The following BCO2 variants were observed in gnomAD, a reference collection of about 807,000 sequenced individuals.
BCO2 encodes the protein beta-carotene oxygenase 2.
In BCO2, 56 loss-of-function variants were observed where a neutral mutation model predicts 65.8. The observed-to-expected ratio is 0.85, with a 90% CI of 0.69 to 1.06. The LOEUF (loss-of-function observed/expected upper bound fraction) is 1.06. Ranked by LOEUF, BCO2 falls within the 50% of genes least tolerant of loss-of-function variation. The pLI is 0.00. For missense variants in BCO2, 675 were observed against 698.5 expected (o/e 0.97, Z 0.38); for synonymous variants, 233 against 242.3 (o/e 0.96, Z 0.36).
At chr11:112,200,811 G>A (rs1461940508) in intron 7 of BCO2, 38 bp downstream of exon 7, 1 of 1,590,052 alleles carries the variant, frequency 6.3e-7, no homozygotes, top group East Asian at 2.3e-5. Flanking sequence ...GAAAATTGTT[G>A]GAAACAAAGG....
At chr11:112,199,649 T>C in intron 5 of BCO2, 50 bp from the exon 6 acceptor site, 2 of 1,565,608 alleles carry the variant, frequency 1.3e-6, no homozygotes, top group Non-Finnish European at 1.7e-6. Flanking sequence ...GGTTGTCTTT[T>C]AATCTAGAAT....
chr11:112,194,169 T>G (rs1458131027), intron 4 of BCO2, 175 bp downstream of exon 4: 1 of 560,136 alleles, frequency 1.8e-6, no homozygotes, highest in Non-Finnish European at 3.2e-6. Flanking sequence ...CTGGGTTGGT[T>G]TTCCTTAAAT....
At position 112,216,202 on chromosome 11, in the gene BCO2, T is replaced by C. The variant is rs1348367004; in HGVS notation, c.1516-18T>C. 4 of 1,577,882 alleles carry C rather than the reference T, an allele frequency of 2.5e-6. No homozygotes were observed. Among genetic ancestry groups the C allele is most frequent in the Non-Finnish European group, 3.5e-6 (4 of 1,147,684 alleles). On this transcript the variant is annotated intron_variant, in intron 10 of 11. Transcript: ENST00000357685. ...TTACTACTTGCCTTTTATCAAATGC[T>C]TTTTTTGGGACTTGCAGGTTTGGAG... is the stretch of plus-strand genomic sequence containing the variant.
chr11:112,190,700 C>T (rs970675242), intron 2 of BCO2, among the ~76,000 whole-genome samples: 10 of 151,484 alleles, frequency 6.6e-5, no homozygotes, highest in Non-Finnish European at 1.5e-4. Context: ...ACTAAAAATA[C>T]AAAAAATTAG....
intron 1 of BCO2, chr11:112,176,526 G>GGGA (rs1866890657): frequency 8.2e-6 from 1 of 122,480 alleles, no homozygotes; most frequent in Admixed American, 8.4e-5. Flanking sequence ...GCGGGGGGGG[G>GGGA]GGAATTAAAC....
At chr11:112,187,738 C>G (rs549310343) in intron 2 of BCO2, among the ~76,000 whole-genome samples, 42 of 152,160 alleles carry the variant, frequency 2.8e-4, no homozygotes, top group Non-Finnish European at 5.4e-4. Context: ...CCTCCCATTT[C>G]CTCATCTGCC....
intron 2 of BCO2, among the ~76,000 whole-genome samples, chr11:112,180,404 A>G (rs1408971779): frequency 6.6e-6 from 1 of 152,108 alleles, no homozygotes; most frequent in Admixed American, 6.5e-5. Flanking sequence ...TTTATTTGTT[A>G]TTTGAGTGTT....
At chr11:112,190,781 G>A (rs546960599) in intron 2 of BCO2, among the ~76,000 whole-genome samples, 7 of 150,710 alleles carry the variant, frequency 4.6e-5, no homozygotes, top group East Asian at 3.9e-4. Context: ...GCTTGAACCC[G>A]GGAGGCAGAG....
At chr11:112,188,994 C>G (rs1175210679) in intron 2 of BCO2, among the ~76,000 whole-genome samples, 1 of 151,938 alleles carries the variant, frequency 6.6e-6, no homozygotes, top group Admixed American at 6.6e-5. Context: ...TTGAAAAATA[C>G]TACCAAAGTA....
At chr11:112,181,827 G>C in intron 2 of BCO2, 1 of 941,566 alleles carries the variant, frequency 1.1e-6, no homozygotes. Flanking sequence ...CTGTAATCTT[G>C]CACATGCAAA....
At chr11:112,207,395 T>C (rs970953203) in intron 8 of BCO2, among the ~76,000 whole-genome samples, 1 of 152,234 alleles carries the variant, frequency 6.6e-6, no homozygotes, top group African/African-American at 2.4e-5. Flanking sequence ...TTATGACTTA[T>C]ACGTTGTACA....
intron 3 of BCO2, 70 bp downstream of exon 3, chr11:112,193,767 A>G (rs1430089384): frequency 6.4e-7 from 1 of 1,558,062 alleles, no homozygotes; most frequent in Admixed American, 1.8e-5. Context: ...TTGAAAATAG[A>G]TTTTTTTGTG....
intron 2 of BCO2, among the ~76,000 whole-genome samples, chr11:112,184,233 C>T (rs1308739291): frequency 1.3e-5 from 2 of 151,914 alleles, no homozygotes; most frequent in Non-Finnish European, 2.9e-5. Flanking sequence ...CAGCTAGAAC[C>T]CTACAGTGGG....
In BCO2 at chr11:112,201,960, A is replaced by T. The variant is rs1592855320; in HGVS notation, c.1027-63A>T. 4 of 1,426,288 alleles carry T rather than the reference A, an allele frequency of 2.8e-6. No homozygotes were observed. The East Asian group carries it at 9.7e-5, about 34-fold the overall frequency. 88.4% of individuals were successfully genotyped at this position (1,426,288 alleles called of 1,614,324 possible). ...TGAACTTTTTGGACCTGTTTCCTAA[A>T]GGAAAGGGAAAAAGAAGAAAACTAA... On this transcript the variant is annotated intron_variant, in intron 7 of 11. Transcript: ENST00000357685.
At chr11:112,198,629 G>T (rs1043242109) in intron 5 of BCO2, among the ~76,000 whole-genome samples, 1 of 152,080 alleles carries the variant, frequency 6.6e-6, no homozygotes, top group Non-Finnish European at 1.5e-5. Flanking sequence ...ACTACTTGAG[G>T]AGTGGATATC....
intron 2 of BCO2, among the ~76,000 whole-genome samples, chr11:112,191,206 G>A (rs1157362076): frequency 6.6e-6 from 1 of 151,554 alleles, no homozygotes; most frequent in African/African-American, 2.4e-5. Flanking sequence ...TTATGCAAAT[G>A]ATATAATATT....
chr11:112,191,354 A>G (rs1867385593), intron 2 of BCO2, among the ~76,000 whole-genome samples: 2 of 152,182 alleles, frequency 1.3e-5, no homozygotes, highest in South Asian at 2.1e-4. Flanking sequence ...CATATATGCA[A>G]ACAATAATCA....
intron 1 of BCO2, among the ~76,000 whole-genome samples, chr11:112,176,775 A>T (rs1866899881): frequency 6.6e-6 from 1 of 152,190 alleles, no homozygotes; most frequent in Non-Finnish European, 1.5e-5. Flanking sequence ...ACCTCCTTTT[A>T]TTTCCATTTT....
In BCO2 at chr11:112,194,193, C is replaced by A. The variant is rs961330786; in HGVS notation, c.633+199C>A. On this transcript the variant is annotated intron_variant, in intron 4 of 11. Transcript: ENST00000357685. ...TTTTCCTTAAATATAATTCTAAACTCCTTCCTTAGTCCTAATATCTGAAGG... is the reference window on the plus strand; with the variant it reads ...TTTTCCTTAAATATAATTCTAAACTACTTCCTTAGTCCTAATATCTGAAGG... The A allele has an allele frequency of 2.1e-5, 11 of 531,146 alleles. No individual in the cohort carries two copies. The Admixed American group carries it at 3.4e-4, about 17-fold the overall frequency. 32.9% of individuals were successfully genotyped at this position (531,146 alleles called of 1,614,324 possible).
Sources: allele counts gnomAD v4.1 joint callset (sites outside exome capture counted in the v4.1 genomes callset), GRCh38; gene constraint gnomAD v4.1.1; transcripts MANE v1.5; gene names NCBI Gene and HGNC (gene_info 2026-07-23, HGNC 2026-07-21).